The following ATXN2 variants were observed in gnomAD, a reference collection of about 807,000 sequenced individuals.
ATXN2 encodes ataxin-2.
In ATXN2, 37 loss-of-function variants were observed where a neutral mutation model predicts 138.6. The ratio of observed to expected loss-of-function variants is 0.27; its 90% CI spans 0.21 to 0.35. ATXN2 has a LOEUF of 0.35. Among genes scored for constraint, ATXN2 ranks in the 10% least tolerant of loss-of-function variants. ATXN2 has a pLI of 1.00. For missense variants in ATXN2, 1,216 were observed against 1,480.3 expected, an observed-to-expected ratio of 0.82 and a Z score of 2.93; for synonymous variants, 549 against 543.7, an observed-to-expected ratio of 1.01 and a Z score of -0.13.
intron 1 of ATXN2, among the ~76,000 whole-genome samples, chr12:111,559,289 C>T (rs1304428987): frequency 1.3e-5 from 2 of 151,358 alleles, no homozygotes; most frequent in Non-Finnish European, 2.9e-5. Context: ...TTAGTAGAGA[C>T]GGGGTTTCAC....
intron 1 of ATXN2, among the ~76,000 whole-genome samples, chr12:111,571,386 T>C (rs776766081): frequency 1.3e-5 from 2 of 152,200 alleles, no homozygotes; most frequent in Non-Finnish European, 2.9e-5. Flanking sequence ...TACTACTGAA[T>C]AAGAAAGCTA....
chr12:111,541,671 A>G (rs544644499), intron 5 of ATXN2, among the ~76,000 whole-genome samples: 1 of 149,354 alleles, frequency 6.7e-6, no homozygotes, highest in Non-Finnish European at 1.5e-5. Context: ...TTTGTAGGGC[A>G]AGTCCTCCTT....
At chr12:111,503,878 C>T (rs1255114972) in intron 14 of ATXN2, among the ~76,000 whole-genome samples, 3 of 152,174 alleles carry the variant, frequency 2.0e-5, no homozygotes, top group African/African-American at 7.2e-5. Flanking sequence ...GTATCAGCCA[C>T]CGTGCCCGGC....
intron 1 of ATXN2, among the ~76,000 whole-genome samples, chr12:111,561,605 G>A (rs923513839): frequency 4.6e-5 from 7 of 151,716 alleles, no homozygotes; most frequent in Admixed American, 1.3e-4. Flanking sequence ...AGGCCAAGGC[G>A]GGTGGATCAC....
chr12:111,561,704 C>T (rs1882696479), intron 1 of ATXN2, among the ~76,000 whole-genome samples: 1 of 151,900 alleles, frequency 6.6e-6, no homozygotes, highest in Non-Finnish European at 1.5e-5. Context: ...TGTGGTGGCA[C>T]ATGTCTGTAA....
intron 14 of ATXN2, among the ~76,000 whole-genome samples, chr12:111,508,208 C>T (rs878895069): frequency 6.6e-6 from 1 of 151,162 alleles, no homozygotes; most frequent in Non-Finnish European, 1.5e-5. Context: ...AAAATATCAT[C>T]TATTGCTCAC....
chr12:111,587,283 A>C (rs1353888695), intron 1 of ATXN2, among the ~76,000 whole-genome samples: 7 of 152,132 alleles, frequency 4.6e-5, no homozygotes, highest in Non-Finnish European at 1.0e-4. Context: ...CTAAAATTAT[A>C]ATCAAGATTA....
rs141600110 is a variant in ATXN2, at chr12:111,452,811, C to T, written c.*1G>A. The T allele has an allele frequency of 1.1e-4, 184 of 1,613,844 alleles. No individual in the cohort carries two copies. Among genetic ancestry groups the T allele is most frequent in the Non-Finnish European group, 1.5e-4 (180 of 1,179,946 alleles). On this transcript the variant is annotated 3_prime_UTR_variant, in exon 25 of 25. Coordinates refer to ENST00000673436, the MANE Select transcript of ATXN2 (RefSeq NM_001372574.1). ...GGCCTTTCGGTTCCTCCAGGGCAGC[C>T]TTACAACTGCTGTTGGTGGTGGGCT...
intron 1 of ATXN2, among the ~76,000 whole-genome samples, chr12:111,576,085 AATAAC>A (rs373436951): frequency 0.044 from 5,455 of 123,346 alleles, 135 homozygotes; most frequent in Middle Eastern, 0.11. Flanking sequence ...TCTGTCTTAA[AATAAC>A]ATAACATAAC....
intron 11 of ATXN2, among the ~76,000 whole-genome samples, chr12:111,512,306 TTTG>T (rs1592849774): frequency 6.6e-6 from 1 of 151,946 alleles, no homozygotes; most frequent in East Asian, 1.9e-4. Flanking sequence ...AAGTGTTTTT[TTTG>T]TTTGTTTGTT....
chr12:111,547,904 A>T (rs1881908793), intron 5 of ATXN2, among the ~76,000 whole-genome samples: 1 of 144,462 alleles, frequency 6.9e-6, no homozygotes, highest in Admixed American at 7.1e-5. Context: ...CAACCATGGA[A>T]CTTACTGGCT....
chr12:111,459,905 C>T (rs1593094910), intron 21 of ATXN2, among the ~76,000 whole-genome samples: 2 of 140,790 alleles, frequency 1.4e-5, no homozygotes, highest in African/African-American at 5.3e-5. Flanking sequence ...TTAGTAGAGA[C>T]GGGGTTTCAC....
intron 7 of ATXN2, 30 bp from the exon 8 acceptor site, chr12:111,520,106 G>A (rs1190397975): frequency 1.2e-6 from 2 of 1,604,454 alleles, no homozygotes; most frequent in Admixed American, 3.4e-5. Context: ...AAAGCAAAAT[G>A]AGTCCTTTAA....
Position 111,452,691 on chromosome 12 carries a change from A to G in ATXN2, c.*121T>C. ...GTTAGCATTCCTATTGGATGTTACA[A>G]GAAATCAACATATATATTTTAAAAA... On this transcript the variant is annotated 3_prime_UTR_variant, in exon 25 of 25. Transcript: ENST00000673436. The G allele has an allele frequency of 8.6e-7, 1 of 1,166,018 alleles. No individual in the cohort carries two copies. The highest frequency in any genetic ancestry group is 1.3e-5 in the South Asian group (1 of 79,042). The allele number at this position is 1,166,018 out of a possible 1,614,324, so 72.2% of individuals were successfully genotyped here. A position where few individuals can be genotyped will look rare whatever the true frequency, so the allele number is the denominator to read the frequency against.
At chr12:111,556,458 T>C (rs569527467) in intron 1 of ATXN2, among the ~76,000 whole-genome samples, 1 of 152,152 alleles carries the variant, frequency 6.6e-6, no homozygotes, top group African/African-American at 2.4e-5. Context: ...ATATTCTTGA[T>C]TTAACCAACA....
intron 14 of ATXN2, among the ~76,000 whole-genome samples, chr12:111,490,151 G>A (rs948454057): frequency 6.6e-5 from 10 of 150,484 alleles, no homozygotes; most frequent in African/African-American, 2.4e-4. Context: ...AGGTTGCAGT[G>A]AGCCAAGATC....
intron 5 of ATXN2, among the ~76,000 whole-genome samples, chr12:111,526,403 CT>C (rs778084602): frequency 0.11 from 14,482 of 137,420 alleles, 2,347 homozygotes; most frequent in African/African-American, 0.37. Context: ...AAAAATATCT[CT>C]TTTTTTTTTT....
chr12:111,513,081 T>C (rs1363038849), intron 11 of ATXN2: 1 of 378,690 alleles, frequency 2.6e-6, no homozygotes, highest in African/African-American at 2.1e-5. Flanking sequence ...CTTATAGGAA[T>C]CTCATCACAA....
intron 14 of ATXN2, among the ~76,000 whole-genome samples, chr12:111,495,521 G>A (rs190561988): frequency 6.6e-6 from 1 of 152,112 alleles, no homozygotes; most frequent in East Asian, 1.9e-4. Flanking sequence ...AATGATAAAG[G>A]GATCAATTCG....
Sources: gnomAD v4.1 joint callset for allele counts (sites outside exome capture counted in the v4.1 genomes callset) on GRCh38, gnomAD v4.1.1 for gene constraint, MANE v1.5 for transcripts, NCBI Gene and HGNC (gene_info 2026-07-23, HGNC 2026-07-21) for gene names.